VPS13B: variants seen among roughly 807,000 people sequenced by gnomAD.
VPS13B encodes the protein intermembrane lipid transfer protein VPS13B.
VPS13B carries 285 observed loss-of-function variants against 426.4 expected under a neutral mutation model. The ratio of observed to expected loss-of-function variants is 0.67; its 90% CI spans 0.61 to 0.74. VPS13B has a LOEUF of 0.74. Among genes scored for constraint, VPS13B ranks in the 30% least tolerant of loss-of-function variants. The pLI is 0.00. For missense variants in VPS13B, 4,537 were observed against 4,782.6 expected (o/e 0.95, Z 1.51); for synonymous variants, 1,676 against 1,676.4 (o/e 1.00, Z 0.01).
intron 2 of VPS13B, among the ~76,000 whole-genome samples, chr8:99,025,267 G>C (rs1842078946): frequency 6.6e-6 from 1 of 151,924 alleles, no homozygotes; most frequent in African/African-American, 2.4e-5. Flanking sequence ...TTTGATCCCT[G>C]TTTCAAAAAA....
intron 16 of VPS13B, among the ~76,000 whole-genome samples, chr8:99,179,201 C>T (rs1383011937): frequency 1.3e-5 from 2 of 151,988 alleles, no homozygotes; most frequent in Admixed American, 1.3e-4. Flanking sequence ...CTTTGTGTTT[C>T]CTTTCTTGAT....
intron 3 of VPS13B, among the ~76,000 whole-genome samples, chr8:99,040,266 T>C (rs1383929801): frequency 6.6e-6 from 1 of 152,202 alleles, no homozygotes; most frequent in Non-Finnish European, 1.5e-5. Context: ...ATACTTGATA[T>C]TGGACTATGC....
chr8:99,506,786 G>C (rs1468952821), intron 27 of VPS13B, among the ~76,000 whole-genome samples: 1 of 152,198 alleles, frequency 6.6e-6, no homozygotes, highest in East Asian at 1.9e-4. Flanking sequence ...GAGCCCAGGA[G>C]TTCAAGGTTA....
intron 16 of VPS13B, among the ~76,000 whole-genome samples, chr8:99,172,514 C>G (rs972885270): frequency 6.6e-6 from 1 of 152,070 alleles, no homozygotes; most frequent in Non-Finnish European, 1.5e-5. Flanking sequence ...ACACACTGGC[C>G]TCACAAGATT....
At chr8:99,391,463 G>A in intron 20 of VPS13B, 94 bp from the exon 21 acceptor site, 2 of 1,590,816 alleles carry the variant, frequency 1.3e-6, no homozygotes, top group Non-Finnish European at 1.7e-6. Flanking sequence ...AACTTGTGAA[G>A]GACTGTCCTC....
intron 25 of VPS13B, among the ~76,000 whole-genome samples, chr8:99,497,577 C>G (rs988638125): frequency 3.5e-4 from 53 of 151,902 alleles, no homozygotes; most frequent in African/African-American, 1.2e-3. Flanking sequence ...TGAAGTGGTT[C>G]CTTTTTTAAT....
chr8:99,766,021 C>T (rs562394095), intron 39 of VPS13B, among the ~76,000 whole-genome samples: 1 of 140,400 alleles, frequency 7.1e-6, no homozygotes, highest in Admixed American at 7.1e-5. Context: ...CTTGCAGCTT[C>T]ATTTTCCGTC....
chr8:99,515,998 C>A (rs369582286), intron 29 of VPS13B, among the ~76,000 whole-genome samples: 48 of 152,222 alleles, frequency 3.2e-4, no homozygotes, highest in African/African-American at 1.2e-3. Context: ...ATCTCTGTAT[C>A]TGTGCATGTA....
At chr8:99,591,164 C>CTTTTTTTTT (rs376201526) in intron 33 of VPS13B, among the ~76,000 whole-genome samples, 2 of 96,534 alleles carry the variant, frequency 2.1e-5, no homozygotes. Flanking sequence ...GCAACCGCTC[C>CTTTTTTTTT]TTTTTTTTTT....
At chr8:99,690,217 A>G (rs1831593345) in intron 35 of VPS13B, among the ~76,000 whole-genome samples, 1 of 152,218 alleles carries the variant, frequency 6.6e-6, no homozygotes, top group Non-Finnish European at 1.5e-5. Context: ...ATGCCTTTCA[A>G]CAAATGTTGC....
intron 2 of VPS13B, among the ~76,000 whole-genome samples, chr8:99,019,594 G>A (rs1203782899): frequency 1.3e-5 from 2 of 151,952 alleles, no homozygotes; most frequent in East Asian, 3.8e-4. Context: ...GAATATTTTC[G>A]TCTTCCCAAA....
intron 33 of VPS13B, among the ~76,000 whole-genome samples, chr8:99,583,027 A>T (rs1826149487): frequency 6.6e-6 from 1 of 152,126 alleles, no homozygotes; most frequent in Non-Finnish European, 1.5e-5. Flanking sequence ...CGCACACCCC[A>T]TTCCCATCAG....
At chr8:99,069,394 A>G (rs1429497289) in intron 3 of VPS13B, among the ~76,000 whole-genome samples, 1 of 152,232 alleles carries the variant, frequency 6.6e-6, no homozygotes, top group Non-Finnish European at 1.5e-5. Flanking sequence ...TGATCACACC[A>G]CTGCCAGCCT....
intron 54 of VPS13B, among the ~76,000 whole-genome samples, chr8:99,839,291 C>T (rs1815556050): frequency 6.6e-6 from 1 of 152,098 alleles, no homozygotes; most frequent in Non-Finnish European, 1.5e-5. Flanking sequence ...AATGACAGTC[C>T]TTCATGTTTC....
chr8:99,300,021 C>T (rs1222700810), intron 19 of VPS13B, among the ~76,000 whole-genome samples: 1 of 152,144 alleles, frequency 6.6e-6, no homozygotes, highest in Non-Finnish European at 1.5e-5. Flanking sequence ...CTAATGGGAA[C>T]ATGTGCCAAA....
intron 33 of VPS13B, among the ~76,000 whole-genome samples, chr8:99,639,505 G>T (rs1829214210): frequency 6.6e-6 from 1 of 151,892 alleles, no homozygotes; most frequent in Admixed American, 6.6e-5. Flanking sequence ...GCTAATGCTG[G>T]ATTTCTCTAA....
At chr8:99,781,788 T>C (rs1812034512) in intron 42 of VPS13B, among the ~76,000 whole-genome samples, 1 of 152,202 alleles carries the variant, frequency 6.6e-6, no homozygotes, top group South Asian at 2.1e-4. Context: ...ACCAGCAGAT[T>C]GATCCCAATT....
chr8:99,063,089 A>G (rs1234692855), intron 3 of VPS13B, among the ~76,000 whole-genome samples: 1 of 152,202 alleles, frequency 6.6e-6, no homozygotes, highest in Non-Finnish European at 1.5e-5. Flanking sequence ...TTAACAATCC[A>G]TAAATTGACT....
chr8:99,189,116 A>G, intron 16 of VPS13B, among the ~76,000 whole-genome samples: 1 of 151,688 alleles, frequency 6.6e-6, no homozygotes, highest in South Asian at 2.1e-4. Context: ...AGCCCGGCTA[A>G]TTTTTTGCAT....
Sources: gnomAD v4.1 joint callset for allele counts (sites outside exome capture counted in the v4.1 genomes callset) on GRCh38, gnomAD v4.1.1 for gene constraint, MANE v1.5 for transcripts, NCBI Gene and HGNC (gene_info 2026-07-23, HGNC 2026-07-21) for gene names.